The following CAPN9 variants were observed in gnomAD, a reference collection of about 807,000 sequenced individuals.
CAPN9 encodes the protein calpain 9, also known as calpain-9.
In CAPN9, 81 loss-of-function variants were observed where a neutral mutation model predicts 92.8. That is an observed-to-expected ratio of 0.87 (90% confidence interval 0.73 to 1.05). The LOEUF is 1.05. CAPN9 is among the 50% of genes least tolerant of loss of function. CAPN9 has a pLI of 0.00. For synonymous variants in CAPN9, 304 were observed against 328.0 expected (o/e 0.93, Z 0.79); for missense variants, 848 against 866.2 (o/e 0.98, Z 0.26).
At chr1:230,797,402 C>G (rs1668426220) in intron 18 of CAPN9, among the ~76,000 whole-genome samples, 1 of 152,200 alleles carries the variant, frequency 6.6e-6, no homozygotes, top group Non-Finnish European at 1.5e-5. Flanking sequence ...CCTCAACATT[C>G]TCTAGTGCCC....
chr1:230,801,720 C>T lies in CAPN9; in HGVS notation c.*124C>T. ...CACTCCCCTCTCATCGTCCGGCCTT[C>T]TCCCTTCATCTTGATCTGGGAAGAA... is the stretch of plus-strand genomic sequence containing the variant. On this transcript the variant is annotated 3_prime_UTR_variant, in exon 20 of 20. Transcript: ENST00000271971. The T allele has an allele frequency of 1.2e-6, 1 of 848,730 alleles. No individual in the cohort carries two copies. The highest frequency in any genetic ancestry group is 1.8e-5 in the Admixed American group (1 of 56,286). The allele number at this position is 848,730 out of a possible 1,614,324, so 52.6% of individuals were successfully genotyped here. A position where few individuals can be genotyped will look rare whatever the true frequency, so the allele number is the denominator to read the frequency against.
At chr1:230,767,739 C>T (rs1227908009) in intron 5 of CAPN9, 30 bp downstream of exon 5, 2 of 1,603,684 alleles carry the variant, frequency 1.2e-6, no homozygotes, top group Non-Finnish European at 1.7e-6. Flanking sequence ...CCATTCCAGG[C>T]ACTATGCTGG....
intron 19 of CAPN9, among the ~76,000 whole-genome samples, chr1:230,800,234 G>GAAAA (rs1159134027): frequency 2.8e-5 from 2 of 71,492 alleles, no homozygotes; most frequent in African/African-American, 1.0e-4. Flanking sequence ...AAAGAAAGAA[G>GAAAA]AAAGAAAGAA....
intron 17 of CAPN9, among the ~76,000 whole-genome samples, chr1:230,794,452 G>T (rs1668205418): frequency 1.3e-5 from 2 of 152,038 alleles, no homozygotes; most frequent in Admixed American, 6.5e-5. Flanking sequence ...CTGCACTCCA[G>T]CCTGGGCAAC....
chr1:230,780,258 A>G lies in CAPN9; in HGVS notation c.1194A>G (p.Val398=), dbSNP rs28359685. 6.5e-3 allele frequency: 10,491 copies of G among 1,614,028 alleles called. 528 individuals carry two copies. The African/African-American group carries it at 0.11, about 17-fold the overall frequency. The part of the protein sequence containing the change: ...DEGQEECSFL[V]ALMQKDRRKL... ...GGCAGGAGGAGTGTAGTTTCCTTGT[A>G]GCCCTGATGCAGAAAGATAGAAGGA... The change falls in exon 10 of 20, where the codon GTA becomes GTG. Residue 398 remains valine, a synonymous_variant. Coordinates refer to ENST00000271971, the MANE Select transcript of CAPN9 (RefSeq NM_006615.3).
At chr1:230,771,725 T>C (rs984993371) in intron 6 of CAPN9, among the ~76,000 whole-genome samples, 7 of 152,226 alleles carry the variant, frequency 4.6e-5, no homozygotes, top group Non-Finnish European at 7.3e-5. Flanking sequence ...TATGGACTAA[T>C]TTCTTGTTAA....
chr1:230,755,306 C>T lies in CAPN9; in HGVS notation c.214-31C>T, dbSNP rs55733925. The T allele has an allele frequency of 1.1e-5, 17 of 1,567,332 alleles. No homozygotes were observed. In the East Asian group the frequency reaches 3.4e-4, roughly 31 times the overall value. On this transcript the variant is annotated intron_variant, in intron 1 of 19. Transcript: ENST00000271971. ...TCATAGTGGCTTGCAGCATGGCAGG[C>T]CTCAGCCTAATAACACTCTCATTCC...
intron 18 of CAPN9, among the ~76,000 whole-genome samples, chr1:230,797,374 A>T (rs1668424720): frequency 6.6e-6 from 1 of 152,158 alleles, no homozygotes. Flanking sequence ...TGCACACCTA[A>T]CGAAATTCTC....
chr1:230,778,960 C>A lies in CAPN9; in HGVS notation c.954-13C>A, dbSNP rs1933630. 232,570 of 1,605,560 alleles carry A rather than the reference C, an allele frequency of 0.14. 17,957 individuals carry two copies. The highest frequency in any genetic ancestry group is 0.15 in the Non-Finnish European group (180,654 of 1,173,388). On this transcript the variant is annotated splice_polypyrimidine_tract_variant and intron_variant, in intron 8 of 19. Transcript: ENST00000271971. ...TGCCCTCCTGTGCATCGTGTCTCTC[C>A]GCTTTGCTGCAGGATGGCATTTAAG...
At chr1:230,751,609 GAGAAAGAAAGAAAGAA>G (rs1168833010) in intron 1 of CAPN9, among the ~76,000 whole-genome samples, 1,748 of 31,716 alleles carry the variant, frequency 0.055, 92 homozygotes, top group Admixed American at 0.16. Context: ...AAGAAAGAAA[GAGAAAGAAAGAAAGAA>G]AGAAAGAAAG....
chr1:230,750,497 G>A (rs1381460633), intron 1 of CAPN9, among the ~76,000 whole-genome samples: 1 of 152,318 alleles, frequency 6.6e-6, no homozygotes, highest in Non-Finnish European at 1.5e-5. Flanking sequence ...CAAAAGGGCT[G>A]AGGATGAGCA....
At position 230,789,054 on chromosome 1, in the gene CAPN9, T is replaced by C. The variant is rs558188657; in HGVS notation, c.1600-1078T>C. Among the ~76,000 whole-genome samples, 7 of 152,260 alleles carry C rather than the reference T, an allele frequency of 4.6e-5. No homozygotes were observed. In the South Asian group the frequency reaches 1.5e-3, roughly 32 times the overall value. ...CCTCCTCTTTCAGTGGGGGCCTGGC[T>C]GGGGCAGTGCTTTCTTACCAACACC... On this transcript the variant is annotated intron_variant, in intron 13 of 19. Transcript: ENST00000271971.
chr1:230,753,157 G>A (rs1664959561), intron 1 of CAPN9, among the ~76,000 whole-genome samples: 1 of 152,130 alleles, frequency 6.6e-6, no homozygotes, highest in Non-Finnish European at 1.5e-5. Flanking sequence ...CAGCCACCAC[G>A]GAGATCAGAG....
chr1:230,762,936 G>A, intron 4 of CAPN9, 150 bp downstream of exon 4: 2 of 788,456 alleles, frequency 2.5e-6, no homozygotes, highest in South Asian at 4.5e-5. Flanking sequence ...GGCTCAAGCG[G>A]GGTTGGAGGT....
At chr1:230,766,500 C>G (rs1055666081) in intron 4 of CAPN9, among the ~76,000 whole-genome samples, 5 of 152,040 alleles carry the variant, frequency 3.3e-5, no homozygotes, top group African/African-American at 9.7e-5. Context: ...TATGCCTGCC[C>G]AGGACTCCTC....
chr1:230,786,045 A>C, intron 12 of CAPN9, 28 bp downstream of exon 12: 1 of 1,612,512 alleles, frequency 6.2e-7, no homozygotes, highest in Non-Finnish European at 8.5e-7. Flanking sequence ...GCTATGGAGT[A>C]TGGGATTCAG....
intron 11 of CAPN9, among the ~76,000 whole-genome samples, chr1:230,780,991 G>A (rs563399459): frequency 2.0e-5 from 3 of 151,740 alleles, no homozygotes; most frequent in South Asian, 2.1e-4. Context: ...TCATCCTCCC[G>A]AGTAGCAAGG....
chr1:230,794,376 G>A (rs1454195844), intron 17 of CAPN9, among the ~76,000 whole-genome samples: 1 of 152,100 alleles, frequency 6.6e-6, no homozygotes, highest in Non-Finnish European at 1.5e-5. Flanking sequence ...AGCTACTCAG[G>A]AGGCTGCAGC....
intron 1 of CAPN9, among the ~76,000 whole-genome samples, chr1:230,750,255 T>C (rs1664680914): frequency 1.3e-5 from 2 of 152,192 alleles, no homozygotes; most frequent in African/African-American, 4.8e-5. Flanking sequence ...CTGTCCCTTC[T>C]TCATCCCACT....
Sources: allele counts gnomAD v4.1 joint callset (sites outside exome capture counted in the v4.1 genomes callset), GRCh38; gene constraint gnomAD v4.1.1; transcripts MANE v1.5; gene names NCBI Gene and HGNC (gene_info 2026-07-23, HGNC 2026-07-21).